Variants in WTAP observed in about 807,000 individuals in gnomAD.
WTAP encodes the protein pre-mRNA-splicing regulator WTAP.
A neutral mutation model predicts 50.0 loss-of-function variants in WTAP; 8 were observed. That is an observed-to-expected ratio of 0.16 (90% CI 0.09 to 0.29). The LOEUF is 0.29. Ranked by LOEUF, WTAP falls within the 10% of genes least tolerant of loss-of-function variation. The pLI is 1.00. For synonymous variants in WTAP, 194 were observed against 169.0 expected (o/e 1.15, Z -1.15); for missense variants, 295 against 470.7 (o/e 0.63, Z 3.45).
At chr6:159,734,933 T>G (rs1778812590) in intron 1 of WTAP, among the ~76,000 whole-genome samples, 1 of 152,192 alleles carries the variant, frequency 6.6e-6, no homozygotes, top group Admixed American at 6.5e-5. Context: ...GGATTTGTAG[T>G]TTAATGAATA....
intron 6 of WTAP, among the ~76,000 whole-genome samples, chr6:159,750,185 G>A (rs1583104407): frequency 6.6e-6 from 1 of 152,178 alleles, no homozygotes; most frequent in Non-Finnish European, 1.5e-5. Flanking sequence ...CTTGCATTAA[G>A]GCTTTTGTAA....
chr6:159,754,944 T>C, intron 7 of WTAP, 84 bp from the exon 8 acceptor site: 4 of 1,352,542 alleles, frequency 3.0e-6, no homozygotes, highest in Non-Finnish European at 3.9e-6. Flanking sequence ...GTTTATTGAC[T>C]CCCTTGCTTT....
intron 1 of WTAP, among the ~76,000 whole-genome samples, chr6:159,730,078 C>T (rs1778474731): frequency 6.6e-6 from 1 of 152,160 alleles, no homozygotes; most frequent in South Asian, 2.1e-4. Context: ...TAAAACTAGT[C>T]AATCATGTTA....
At chr6:159,743,913 A>G in intron 5 of WTAP, 121 bp downstream of exon 5, 1 of 1,111,532 alleles carries the variant, frequency 9.0e-7, no homozygotes, top group Non-Finnish European at 1.2e-6. Context: ...ATAGGTACGT[A>G]TGCTTTGAGC....
intron 3 of WTAP, 81 bp from the exon 4 acceptor site, chr6:159,742,007 C>G (rs1779284141): frequency 8.7e-6 from 9 of 1,038,594 alleles, no homozygotes; most frequent in Non-Finnish European, 1.3e-5. Flanking sequence ...TTACTAAAAT[C>G]TGTGAGTTTA....
upstream of WTAP, chr6:159,727,239 C>T: frequency 2.3e-6 from 3 of 1,281,838 alleles, no homozygotes; most frequent in Non-Finnish European, 3.0e-6. Flanking sequence ...CCCGATCGGG[C>T]TAGGCCGACG....
upstream of WTAP, chr6:159,727,363 A>G (rs1248993529): frequency 1.5e-5 from 12 of 785,198 alleles, no homozygotes; most frequent in Admixed American, 1.0e-4. Context: ...AACATGGCGG[A>G]GCGGGGAGGC....
intron 6 of WTAP, among the ~76,000 whole-genome samples, chr6:159,752,073 A>C (rs1053808492): frequency 6.6e-6 from 1 of 152,272 alleles, no homozygotes; most frequent in South Asian, 2.1e-4. Flanking sequence ...AAAAAAAAAA[A>C]AAAAATGCTG....
intron 1 of WTAP, among the ~76,000 whole-genome samples, chr6:159,730,239 T>G (rs1352370197): frequency 1.3e-5 from 2 of 152,216 alleles, no homozygotes; most frequent in Non-Finnish European, 2.9e-5. Flanking sequence ...AAAAGTGCTG[T>G]TATTAAATGT....
intron 1 of WTAP, among the ~76,000 whole-genome samples, chr6:159,731,752 G>T (rs1327323809): frequency 6.6e-6 from 1 of 152,154 alleles, no homozygotes; most frequent in Admixed American, 6.5e-5. Flanking sequence ...CCTGGTTGTG[G>T]TAATTCTTTT....
intron 3 of WTAP, among the ~76,000 whole-genome samples, chr6:159,740,249 G>A (rs1471584938): frequency 6.6e-6 from 1 of 151,954 alleles, no homozygotes; most frequent in Admixed American, 6.6e-5. Flanking sequence ...TTTAACTGTA[G>A]GAGGGGAAAA....
chr6:159,727,573 C>G lies in WTAP; in HGVS notation c.-139C>G. 3.0e-6 allele frequency: 3 copies of G among 987,432 alleles called. No homozygotes were observed. Among genetic ancestry groups the G allele is most frequent in the Non-Finnish European group, 3.6e-6 (3 of 831,702 alleles). The allele number at this position is 987,432 out of a possible 1,614,324, so 61.2% of individuals were successfully genotyped here. A position where few individuals can be genotyped will look rare whatever the true frequency, so the allele number is the denominator to read the frequency against. On this transcript the variant is annotated 5_prime_UTR_variant, in exon 1 of 8. Coordinates refer to ENST00000621533, the MANE Select transcript of WTAP (RefSeq NM_001270531.2). Reference sequence around the variant, plus strand: ...GGGGAGCGCAGGGGTTGCGGCGGGACTAGGAGCGCGGCGGGGCCGGCGGCA... The same window carrying G: ...GGGGAGCGCAGGGGTTGCGGCGGGAGTAGGAGCGCGGCGGGGCCGGCGGCA...
chr6:159,743,570 G>T, intron 4 of WTAP, 95 bp from the exon 5 acceptor site: 2 of 1,201,976 alleles, frequency 1.7e-6, no homozygotes, highest in Non-Finnish European at 2.3e-6. Flanking sequence ...CTAAAGACTT[G>T]ATTAATTTTT....
At chr6:159,746,399 A>G (rs900249004) in intron 5 of WTAP, among the ~76,000 whole-genome samples, 1 of 152,246 alleles carries the variant, frequency 6.6e-6, no homozygotes, top group African/African-American at 2.4e-5. Flanking sequence ...CCTTTAAAAC[A>G]GAGCTGCTGC....
rs1308173844 is a variant in WTAP, at chr6:159,755,462, T to A, written c.1042T>A (p.Ser348Thr). The A allele has an allele frequency of 1.2e-6, 2 of 1,613,920 alleles. No individual in the cohort carries two copies. The highest frequency in any genetic ancestry group is 1.7e-6 in the Non-Finnish European group (2 of 1,179,970). Residue 348 changes from serine (S) to threonine (T), a missense_variant, in exon 8 of 8, where the codon TCT (serine) becomes ACT (threonine). By Grantham distance (58) the Ser-to-Thr change is moderately conservative. Around this residue, in one of 2 missense-constraint regions of WTAP, gnomAD observed 175 missense variants for 183.1 expected, o/e 0.96. Coordinates refer to ENST00000621533, the MANE Select transcript of WTAP (RefSeq NM_001270531.2). ...AGACTCTCCCACGGGCAGTGAAAAC[T>A]CTCTCACACACCAATCAAATGACAC... ...SVDSPTGSEN[S>T]LTHQSNDTDS...
intron 2 of WTAP, 48 bp downstream of exon 2, chr6:159,736,343 G>A (rs1425838328): frequency 2.0e-6 from 3 of 1,477,882 alleles, no homozygotes; most frequent in Non-Finnish European, 2.8e-6. Flanking sequence ...GGGTTTTTTG[G>A]GGGCTTTTTT....
chr6:159,747,268 G>A (rs536965002), intron 5 of WTAP, among the ~76,000 whole-genome samples: 3 of 152,220 alleles, frequency 2.0e-5, no homozygotes, highest in Admixed American at 6.5e-5. Context: ...AACTGAAGTC[G>A]AAATTGAAGG....
chr6:159,755,760 C>CTTTTATTTTTTTTTTTTTTT lies in WTAP; in HGVS notation c.*153_*154insATTTTTTTTTTTTTTTTTTT. 3.5e-6 allele frequency: 1 copy of CTTTTATTTTTTTTTTTTTTT among 281,876 alleles called. No individual in the cohort carries two copies. The allele number at this position is 281,876 out of a possible 1,614,324, so 17.5% of individuals were successfully genotyped here. A position where few individuals can be genotyped will look rare whatever the true frequency, so the allele number is the denominator to read the frequency against. ...TGTTTTTTTTCTTTGTTTTTTTTTT[C>CTTTTATTTTTTTTTTTTTTT]TTTTCTTTTTTTTTTTTTTTTTTTT... On this transcript the variant is annotated 3_prime_UTR_variant, in exon 8 of 8. Transcript: ENST00000621533.
chr6:159,733,216 A>G (rs957568050), intron 1 of WTAP, among the ~76,000 whole-genome samples: 13 of 152,248 alleles, frequency 8.5e-5, no homozygotes, highest in Admixed American at 8.5e-4. Flanking sequence ...AATATGGTTT[A>G]TGTCTTCATA....
Sources: allele counts gnomAD v4.1 joint callset (sites outside exome capture counted in the v4.1 genomes callset), GRCh38; gene constraint gnomAD v4.1.1; regional missense constraint gnomAD v4.1.1; transcripts MANE v1.5; gene names NCBI Gene and HGNC (gene_info 2026-07-23, HGNC 2026-07-21).